Variants in ESRRG observed in about 807,000 individuals in gnomAD.
ESRRG encodes the protein estrogen related receptor gamma.
ESRRG carries 13 observed loss-of-function variants against 44.0 expected under a neutral mutation model. The ratio of observed to expected loss-of-function variants is 0.30; its 90% CI spans 0.19 to 0.47. ESRRG has a LOEUF of 0.47. Among genes scored for constraint, ESRRG ranks in the 20% least tolerant of loss-of-function variants. The pLI, the probability that ESRRG is intolerant of heterozygous loss-of-function variation, is 1.00. For missense variants in ESRRG, 395 were observed against 580.6 expected (o/e 0.68, Z 3.29); for synonymous variants, 215 against 214.6 (o/e 1.00, Z -0.02).
At chr1:216,901,936 A>T (rs969603276) in intron 2 of ESRRG, among the ~76,000 whole-genome samples, 2 of 151,530 alleles carry the variant, frequency 1.3e-5, no homozygotes, top group African/African-American at 4.9e-5. Flanking sequence ...TTTTATTTTT[A>T]TTTTTTTATA....
At chr1:216,573,334 A>G (rs2061161463) in intron 3 of ESRRG, among the ~76,000 whole-genome samples, 1 of 151,980 alleles carries the variant, frequency 6.6e-6, no homozygotes, top group Non-Finnish European at 1.5e-5. Context: ...TCTTTCCATA[A>G]CTATTTCTAT....
chr1:216,683,259 T>C (rs563153160), intron 1 of ESRRG, among the ~76,000 whole-genome samples: 4 of 152,242 alleles, frequency 2.6e-5, no homozygotes, highest in South Asian at 2.1e-4. Flanking sequence ...AAAGAAAGAA[T>C]TGTGAATCCT....
At chr1:216,640,304 C>T (rs2066130334) in intron 3 of ESRRG, among the ~76,000 whole-genome samples, 1 of 152,158 alleles carries the variant, frequency 6.6e-6, no homozygotes, top group Non-Finnish European at 1.5e-5. Context: ...GCACCTCAGA[C>T]TTCTGCCAGC....
chr1:217,082,666 C>A (rs545449489), intron 1 of ESRRG, among the ~76,000 whole-genome samples: 1 of 151,330 alleles, frequency 6.6e-6, no homozygotes, highest in South Asian at 2.1e-4. Flanking sequence ...CTCACCCCCA[C>A]CCCACACACA....
intron 1 of ESRRG, among the ~76,000 whole-genome samples, chr1:217,053,460 CAAAAAA>C (rs199728551): frequency 1.6e-5 from 1 of 62,476 alleles, no homozygotes; most frequent in Non-Finnish European, 3.4e-5. Flanking sequence ...GTCCCAAAGC[CAAAAAA>C]AAGAAAGAAA....
intron 2 of ESRRG, among the ~76,000 whole-genome samples, chr1:216,653,197 T>G (rs11572703): frequency 6.6e-6 from 1 of 152,110 alleles, no homozygotes; most frequent in African/African-American, 2.4e-5. Flanking sequence ...TGTATCCCCA[T>G]CCTTCACATC....
intron 1 of ESRRG, among the ~76,000 whole-genome samples, chr1:217,051,206 G>GGA (rs1417087214): frequency 6.3e-5 from 7 of 110,256 alleles, no homozygotes; most frequent in East Asian, 3.3e-4. Flanking sequence ...AATGGGGGCG[G>GGA]GGGGGGGGGG....
At chr1:216,608,663 G>A (rs201277865) in intron 3 of ESRRG, among the ~76,000 whole-genome samples, 28 of 152,252 alleles carry the variant, frequency 1.8e-4, no homozygotes, top group Middle Eastern at 3.4e-3. Flanking sequence ...TTACTGATGA[G>A]TAGCCGCCTT....
At chr1:217,087,845 T>C (rs1057193694) in intron 1 of ESRRG, among the ~76,000 whole-genome samples, 11 of 152,338 alleles carry the variant, frequency 7.2e-5, no homozygotes, top group African/African-American at 2.6e-4. Context: ...CTTCCTTATA[T>C]ACTTGATTCT....
At chr1:216,511,814 G>A (rs1199328686) in intron 6 of ESRRG, among the ~76,000 whole-genome samples, 3 of 152,066 alleles carry the variant, frequency 2.0e-5, no homozygotes, top group African/African-American at 7.2e-5. Flanking sequence ...ACCCGAAGAG[G>A]TTCCCACTGA....
intron 1 of ESRRG, among the ~76,000 whole-genome samples, chr1:216,979,991 T>A (rs2073659091): frequency 6.6e-6 from 1 of 152,184 alleles, no homozygotes; most frequent in African/African-American, 2.4e-5. Context: ...GTCTAAAGCA[T>A]CACACTGCTA....
At chr1:217,043,457 A>G (rs1013934128) in intron 1 of ESRRG, among the ~76,000 whole-genome samples, 1 of 152,180 alleles carries the variant, frequency 6.6e-6, no homozygotes, top group East Asian at 1.9e-4. Context: ...TCTCTAATTA[A>G]CCAAAATTCT....
At chr1:216,871,921 T>C (rs936756973) in intron 2 of ESRRG, among the ~76,000 whole-genome samples, 6 of 152,090 alleles carry the variant, frequency 3.9e-5, no homozygotes, top group Non-Finnish European at 7.4e-5. Context: ...TCATCCTTGT[T>C]CCAAATTTCC....
chr1:216,732,853 G>C (rs1339784116), intron 2 of ESRRG, among the ~76,000 whole-genome samples: 2 of 147,016 alleles, frequency 1.4e-5, no homozygotes, highest in African/African-American at 2.5e-5. Flanking sequence ...AAAAAAAGGG[G>C]GGGGAGGAGG....
chr1:216,862,938 A>G (rs146311062), intron 2 of ESRRG: 1 of 152,348 alleles, frequency 6.6e-6, no homozygotes, highest in African/African-American at 2.4e-5. Flanking sequence ...ACAAACAAAG[A>G]TAAGATTATT....
intron 3 of ESRRG, among the ~76,000 whole-genome samples, chr1:216,587,580 T>C (rs1216853679): frequency 2.6e-5 from 4 of 151,956 alleles, no homozygotes; most frequent in Non-Finnish European, 5.9e-5. Context: ...AATGAATAAA[T>C]AAAAAAAGGA....
chr1:216,538,828 A>G (rs1312437144), intron 5 of ESRRG, among the ~76,000 whole-genome samples: 7 of 152,074 alleles, frequency 4.6e-5, no homozygotes, highest in Admixed American at 2.6e-4. Flanking sequence ...TGTTTATTAA[A>G]TAAAGTCCAT....
intron 1 of ESRRG, among the ~76,000 whole-genome samples, chr1:216,986,674 C>T (rs2074932998): frequency 6.6e-6 from 1 of 151,898 alleles, no homozygotes; most frequent in Non-Finnish European, 1.5e-5. Flanking sequence ...TTGCAGTGAG[C>T]CAATATCACA....
Position 216,773,783 on chromosome 1 carries a change from G to T in ESRRG, c.-13-96292C>A, listed in dbSNP as rs567590322. Among the ~76,000 whole-genome samples, 5 of 152,102 alleles carry T rather than the reference G, an allele frequency of 3.3e-5. No individual in the cohort carries two copies. The South Asian group carries it at 6.2e-4, about 19-fold the overall frequency. On this transcript the variant is annotated intron_variant, in intron 2 of 7. Coordinates refer to the ESRRG transcript ENST00000359162. Reference sequence around the variant, plus strand: ...TAAGATGAACAGTGGGGAGTAAAAGGTATTAATAGGATCATGCACTTTTAG... The same window carrying T: ...TAAGATGAACAGTGGGGAGTAAAAGTTATTAATAGGATCATGCACTTTTAG...
Sources: allele counts gnomAD v4.1 joint callset (sites outside exome capture counted in the v4.1 genomes callset), GRCh38; gene constraint gnomAD v4.1.1; transcripts MANE v1.5; gene names NCBI Gene and HGNC (gene_info 2026-07-23, HGNC 2026-07-21).